The following ST3GAL1 variants were observed in gnomAD, a reference collection of about 807,000 sequenced individuals.
ST3GAL1 encodes CMP-N-acetylneuraminate-beta-galactosamide-alpha-2,3-sialyltransferase 1.
ST3GAL1 carries 16 observed loss-of-function variants against 34.1 expected under a neutral mutation model. The observed-to-expected ratio is 0.47, with a 90% CI of 0.32 to 0.71. The LOEUF (loss-of-function observed/expected upper bound fraction) is 0.71, where lower values mean the gene tolerates loss of function less well. Among genes scored for constraint, ST3GAL1 ranks in the 30% least tolerant of loss-of-function variants. The pLI is 0.04. For missense variants in ST3GAL1, 353 were observed against 447.4 expected (o/e 0.79, Z 1.90); for synonymous variants, 191 against 184.7 (o/e 1.03, Z -0.28).
chr8:133,493,688 T>C (rs1374698321), intron 3 of ST3GAL1, among the ~76,000 whole-genome samples: 1 of 151,860 alleles, frequency 6.6e-6, no homozygotes, highest in African/African-American at 2.4e-5. Flanking sequence ...CCACTAGAAA[T>C]ATAAAAAATT....
chr8:133,553,431 A>G (rs1818917377), intron 1 of ST3GAL1, among the ~76,000 whole-genome samples: 1 of 152,234 alleles, frequency 6.6e-6, no homozygotes, highest in South Asian at 2.1e-4. Context: ...AAGAAGACAG[A>G]TGAGGAAAAG....
intron 2 of ST3GAL1, among the ~76,000 whole-genome samples, chr8:133,528,177 T>C (rs1252192163): frequency 2.6e-5 from 4 of 150,948 alleles, no homozygotes; most frequent in Admixed American, 2.6e-4. Flanking sequence ...CTGTCTCAAA[T>C]AAAAGAAAAA....
At chr8:133,528,862 T>C (rs936730189) in intron 2 of ST3GAL1, among the ~76,000 whole-genome samples, 2 of 152,234 alleles carry the variant, frequency 1.3e-5, no homozygotes, top group Non-Finnish European at 2.9e-5. Flanking sequence ...TGTGACCAGA[T>C]GAAAACGTGT....
At chr8:133,507,837 G>T (rs1003496180) in intron 2 of ST3GAL1, among the ~76,000 whole-genome samples, 1 of 152,184 alleles carries the variant, frequency 6.6e-6, no homozygotes, top group African/African-American at 2.4e-5. Context: ...CCTGGAAGGT[G>T]CTGGGTCCCT....
chr8:133,567,140 A>T (rs1291063051), intron 1 of ST3GAL1: 1 of 152,194 alleles, frequency 6.6e-6, no homozygotes, highest in Admixed American at 6.5e-5. Flanking sequence ...TGGGTCTCTC[A>T]AGGTGGAGGG....
chr8:133,479,856 C>G (rs1816316957), intron 3 of ST3GAL1, among the ~76,000 whole-genome samples: 1 of 152,202 alleles, frequency 6.6e-6, no homozygotes, highest in Non-Finnish European at 1.5e-5. Context: ...CTGGATAAAA[C>G]TGCAATGGAA....
At chr8:133,545,746 T>C (rs1818656602) in intron 2 of ST3GAL1, 28 bp downstream of exon 2, 1 of 152,146 alleles carries the variant, frequency 6.6e-6, no homozygotes, top group African/African-American at 2.4e-5. Flanking sequence ...ACATCTCACT[T>C]GTGCTGCGGA....
chr8:133,475,248 G>A (rs780412602), intron 5 of ST3GAL1, among the ~76,000 whole-genome samples: 6 of 152,224 alleles, frequency 3.9e-5, no homozygotes, highest in Non-Finnish European at 8.8e-5. Flanking sequence ...CAGCACTGCC[G>A]GCAGCTGGCA....
chr8:133,528,546 G>A (rs1467340892), intron 2 of ST3GAL1, among the ~76,000 whole-genome samples: 1 of 152,236 alleles, frequency 6.6e-6, no homozygotes, highest in Non-Finnish European at 1.5e-5. Context: ...CCTACACTGA[G>A]TCAAGACCAG....
At chr8:133,532,767 T>C (rs896032286) in intron 2 of ST3GAL1, among the ~76,000 whole-genome samples, 14 of 152,320 alleles carry the variant, frequency 9.2e-5, no homozygotes, top group African/African-American at 3.1e-4. Flanking sequence ...CTGTTCTTCC[T>C]GCCCTTGTGC....
intron 2 of ST3GAL1, among the ~76,000 whole-genome samples, chr8:133,538,195 C>T (rs1051446055): frequency 2.6e-5 from 4 of 152,172 alleles, no homozygotes; most frequent in Non-Finnish European, 5.9e-5. Context: ...TCCGAAGTAC[C>T]CAGCATGTCA....
intron 3 of ST3GAL1, among the ~76,000 whole-genome samples, chr8:133,485,773 A>AGGAG (rs1554613220): frequency 2.0e-5 from 3 of 151,742 alleles, no homozygotes; most frequent in Non-Finnish European, 4.4e-5. Flanking sequence ...TGCAACTGAA[A>AGGAG]AGAGAGGGTG....
In ST3GAL1 at chr8:133,494,913, C is replaced by CTTT. The variant is rs34975583; in HGVS notation, c.-374+4219_-374+4221dup. On this transcript the variant is annotated intron_variant, in intron 3 of 9. Transcript: ENST00000522652. ...TCGGCCTCTGCGTTTTTCCTCTATTCTTTTTTTTTTTTTTTTTTTTTTTGA... is the reference window on the plus strand; with the variant it reads ...TCGGCCTCTGCGTTTTTCCTCTATTCTTTTTTTTTTTTTTTTTTTTTTTTTTGA... Among the ~76,000 whole-genome samples the CTTT allele has an allele frequency of 7.8e-3, 789 of 100,674 alleles. 19 individuals are homozygous for CTTT. Among genetic ancestry groups the CTTT allele is most frequent in the East Asian group, 0.014 (45 of 3,164 alleles). 66.0% of individuals were successfully genotyped at this position (100,674 alleles called of 152,430 possible). A position where few individuals can be genotyped will look rare whatever the true frequency, so the allele number is the denominator to read the frequency against.
chr8:133,503,990 G>T (rs1057244104), intron 2 of ST3GAL1, among the ~76,000 whole-genome samples: 1 of 152,216 alleles, frequency 6.6e-6, no homozygotes, highest in African/African-American at 2.4e-5. Context: ...GAGAGGAGGG[G>T]AGGCTGGTCC....
chr8:133,571,401 A>G lies in ST3GAL1; in HGVS notation c.-582+292T>C, dbSNP rs1197983526. On this transcript the variant is annotated intron_variant, in intron 1 of 9. Coordinates refer to ENST00000522652, the MANE Select transcript of ST3GAL1 (RefSeq NM_173344.3). This position sits in a 1 kb window ranked among gnomAD's most constrained non-coding sequence, Gnocchi z 6.7. Reference sequence around the variant, plus strand: ...AGGCAGCTCCTCCAGTGTCGGCCGAAGACCCCTAAGCCCGAACCTCCACCC... The same window carrying G: ...AGGCAGCTCCTCCAGTGTCGGCCGAGGACCCCTAAGCCCGAACCTCCACCC... Among the ~76,000 whole-genome samples, 2 of 152,140 alleles carry G rather than the reference A, an allele frequency of 1.3e-5. No individual in the cohort carries two copies. The highest frequency in any genetic ancestry group is 2.9e-5 in the Non-Finnish European group (2 of 68,016).
intron 3 of ST3GAL1, among the ~76,000 whole-genome samples, chr8:133,497,339 A>T (rs1586618674): frequency 6.6e-6 from 1 of 152,326 alleles, no homozygotes; most frequent in Non-Finnish European, 1.5e-5. Flanking sequence ...AAGCAAGAAG[A>T]CAAAACCATT....
intron 5 of ST3GAL1, among the ~76,000 whole-genome samples, chr8:133,470,976 G>A (rs560504295): frequency 1.3e-5 from 2 of 152,264 alleles, no homozygotes; most frequent in East Asian, 1.9e-4. Context: ...CACCCGTCCC[G>A]AGAGTGTTGG....
chr8:133,541,120 T>TATATATATATAGAGAGAGAG (rs71299078), intron 2 of ST3GAL1, among the ~76,000 whole-genome samples: 3 of 48,626 alleles, frequency 6.2e-5, no homozygotes, highest in African/African-American at 3.0e-4. Context: ...TATATATATA[T>TATATATATATAGAGAGAGAG]AGAGAGAGAG....
chr8:133,503,296 C>T (rs1817240307), intron 2 of ST3GAL1, among the ~76,000 whole-genome samples: 1 of 152,198 alleles, frequency 6.6e-6, no homozygotes, highest in Non-Finnish European at 1.5e-5. Context: ...GAGCCGACTT[C>T]CACTCAGGCT....
Sources: allele counts gnomAD v4.1 joint callset (sites outside exome capture counted in the v4.1 genomes callset), GRCh38; gene constraint gnomAD v4.1.1; non-coding constraint Gnocchi (gnomAD v3.1); transcripts MANE v1.5; gene names NCBI Gene and HGNC (gene_info 2026-07-23, HGNC 2026-07-21).